EVC2: variants seen among roughly 807,000 people sequenced by gnomAD.
EVC2 encodes EvC ciliary complex subunit 2.
EVC2 carries 148 observed loss-of-function variants against 149.3 expected under a neutral mutation model. The ratio of observed to expected loss-of-function variants is 0.99; its 90% CI spans 0.87 to 1.14. The LOEUF is 1.14. EVC2 is among the 50% of genes most tolerant of loss of function. The pLI, the probability that EVC2 is intolerant of heterozygous loss-of-function variation, is 0.00. For synonymous variants in EVC2, 776 were observed against 649.9 expected, an observed-to-expected ratio of 1.19 and a Z score of -2.95; for missense variants, 1,854 against 1,627.3, an observed-to-expected ratio of 1.14 and a Z score of -2.40.
rs1488920478 is a variant in EVC2, at chr4:5,567,298, A to C, written c.3557+1146T>G. ...TTCCCTCTTCCCCACCCTCCCCCTC[A>C]CCCTGGTCAGACTCTATTCACCCTC... On this transcript the variant is annotated intron_variant, in intron 20 of 21. Coordinates refer to ENST00000344408, the MANE Select transcript of EVC2 (RefSeq NM_147127.5). The surrounding 1 kb of genome is among the most constrained non-coding windows in gnomAD (Gnocchi z 4.4). Among the ~76,000 whole-genome samples, 3 of 150,508 alleles carry C rather than the reference A, an allele frequency of 2.0e-5. No homozygotes were observed. Among genetic ancestry groups the C allele is most frequent in the Admixed American group, 6.6e-5 (1 of 15,116 alleles).
intron 14 of EVC2, among the ~76,000 whole-genome samples, chr4:5,619,959 A>G (rs1715561153): frequency 6.6e-6 from 1 of 152,196 alleles, no homozygotes; most frequent in Admixed American, 6.5e-5. Flanking sequence ...AGAACACCCA[A>G]CGTGGTTGGC....
downstream of EVC2, among the ~76,000 whole-genome samples, chr4:5,541,665 C>T (rs533777278): frequency 1.1e-4 from 16 of 152,242 alleles, no homozygotes; most frequent in African/African-American, 3.4e-4. Flanking sequence ...AATGTAAACT[C>T]GGCATCCCAG....
At chr4:5,546,844 G>A (rs1470574368) in intron 21 of EVC2, among the ~76,000 whole-genome samples, 2 of 152,182 alleles carry the variant, frequency 1.3e-5, no homozygotes, top group South Asian at 2.1e-4. Context: ...GCAGCAAGGA[G>A]GCATACTCCA....
intron 8 of EVC2, among the ~76,000 whole-genome samples, chr4:5,664,237 C>T (rs908671947): frequency 1.3e-5 from 2 of 152,110 alleles, no homozygotes; most frequent in African/African-American, 4.8e-5. Flanking sequence ...CAGAAGAGCC[C>T]GGTTGATTTT....
intron 7 of EVC2, among the ~76,000 whole-genome samples, chr4:5,673,769 T>C (rs1392905703): frequency 6.6e-6 from 1 of 152,244 alleles, no homozygotes; most frequent in Non-Finnish European, 1.5e-5. Flanking sequence ...AAAAGCATGA[T>C]GAAGAATTGT....
At position 5,576,211 on chromosome 4, in the gene EVC2, C is replaced by T; in HGVS notation, c.3272+29G>A. The stretch of plus-strand genomic sequence containing the variant: ...CTCCAGGACTGCTGGGGACTAATAT[C>T]TTTGAGTGCTACGGGGCACACGGCA... On this transcript the variant is annotated intron_variant, in intron 18 of 21. Transcript: ENST00000344408. The surrounding 1 kb of genome is among the most constrained non-coding windows in gnomAD (Gnocchi z 4.5). The T allele has an allele frequency of 6.2e-7, 1 of 1,614,060 alleles. No individual in the cohort carries two copies. The highest frequency in any genetic ancestry group is 1.1e-5 in the South Asian group (1 of 91,076).
chr4:5,599,319 C>T (rs1274382097), intron 16 of EVC2, among the ~76,000 whole-genome samples: 5 of 151,878 alleles, frequency 3.3e-5, no homozygotes, highest in East Asian at 1.9e-4. Context: ...TTGGAACCAA[C>T]CCAAATGGCC....
intron 13 of EVC2, 25 bp from the exon 14 acceptor site, chr4:5,623,016 A>C: frequency 6.2e-7 from 1 of 1,612,106 alleles, no homozygotes; most frequent in Non-Finnish European, 8.5e-7. Flanking sequence ...AAGAAAATTA[A>C]GTGGGGGTGG....
chr4:5,668,229 G>C (rs1358443704), intron 7 of EVC2, among the ~76,000 whole-genome samples: 1 of 152,118 alleles, frequency 6.6e-6, no homozygotes, highest in Non-Finnish European at 1.5e-5. Context: ...CATTTTTTCT[G>C]ACAGACCAAT....
chr4:5,674,313 C>G (rs949934978), intron 7 of EVC2, among the ~76,000 whole-genome samples: 8 of 152,194 alleles, frequency 5.3e-5, no homozygotes, highest in Admixed American at 2.0e-4. Context: ...GAGAACACAT[C>G]ACACAGCATG....
chr4:5,574,846 A>C (rs752057745), intron 18 of EVC2, 74 bp from the exon 19 acceptor site: 57 of 1,422,780 alleles, frequency 4.0e-5, no homozygotes, highest in Non-Finnish European at 5.1e-5. Context: ...TAGTTATTTA[A>C]ATAACAAAGA....
chr4:5,577,079 C>G (rs535181538), intron 17 of EVC2, among the ~76,000 whole-genome samples: 3 of 152,326 alleles, frequency 2.0e-5, no homozygotes, highest in South Asian at 4.1e-4. Flanking sequence ...ACTTTCCATA[C>G]GTGAATCTCA....
At chr4:5,687,925 C>T (rs182072101) in intron 5 of EVC2, among the ~76,000 whole-genome samples, 8 of 152,296 alleles carry the variant, frequency 5.3e-5, no homozygotes, top group Admixed American at 3.9e-4. Flanking sequence ...AACCAGAGCA[C>T]TTCAATAGCT....
chr4:5,660,612 C>G (rs185136474), intron 9 of EVC2, among the ~76,000 whole-genome samples: 1 of 152,286 alleles, frequency 6.6e-6, no homozygotes, highest in South Asian at 2.1e-4. Flanking sequence ...AAGGGCTACT[C>G]GCCCTGACCA....
At chr4:5,545,659 T>C (rs4689251) in intron 21 of EVC2, among the ~76,000 whole-genome samples, 51,079 of 152,000 alleles carry the variant, frequency 0.34, 9,582 homozygotes, top group East Asian at 0.86. Flanking sequence ...CTTTCTATCA[T>C]ACTAGAGAGT....
At chr4:5,606,943 C>A (rs1415690685) in intron 16 of EVC2, among the ~76,000 whole-genome samples, 1 of 152,172 alleles carries the variant, frequency 6.6e-6, no homozygotes, top group Non-Finnish European at 1.5e-5. Flanking sequence ...TGGCAGAGCT[C>A]AGACTCTGGA....
chr4:5,540,177 C>A (rs962831623), downstream of EVC2, among the ~76,000 whole-genome samples: 1 of 152,170 alleles, frequency 6.6e-6, no homozygotes, highest in African/African-American at 2.4e-5. Context: ...AAAAGACTGA[C>A]CACACTCAAG....
the EVC2 span, among the ~76,000 whole-genome samples, chr4:5,536,884 G>A: frequency 6.6e-6 from 1 of 152,102 alleles, no homozygotes. Flanking sequence ...AAGCTAAGAA[G>A]TGAACAGACA....
At chr4:5,702,822 A>T (rs1015314519) in intron 1 of EVC2, among the ~76,000 whole-genome samples, 1 of 152,218 alleles carries the variant, frequency 6.6e-6, no homozygotes, top group Non-Finnish European at 1.5e-5. Context: ...CTGGGTGGAC[A>T]TCTTCACCTC....
Sources: allele counts gnomAD v4.1 joint callset (sites outside exome capture counted in the v4.1 genomes callset), GRCh38; gene constraint gnomAD v4.1.1; non-coding constraint Gnocchi (gnomAD v3.1); transcripts MANE v1.5; gene names NCBI Gene and HGNC (gene_info 2026-07-23, HGNC 2026-07-21).